The following FRMD3 variants were observed in gnomAD, a reference collection of about 807,000 sequenced individuals.
FRMD3 encodes FERM domain containing 3.
In FRMD3, 33 loss-of-function variants were observed where a neutral mutation model predicts 70.2. That is an observed-to-expected ratio of 0.47 (90% CI 0.36 to 0.63). FRMD3 has a LOEUF of 0.63. FRMD3 is among the 20% of genes least tolerant of loss of function. The pLI, the probability that FRMD3 is intolerant of heterozygous loss-of-function variation, is 0.00. For missense variants in FRMD3, 632 were observed against 711.4 expected (o/e 0.89, Z 1.27); for synonymous variants, 279 against 255.9 (o/e 1.09, Z -0.86).
intron 1 of FRMD3, among the ~76,000 whole-genome samples, chr9:83,486,481 T>C (rs1182372189): frequency 6.6e-6 from 1 of 152,180 alleles, no homozygotes; most frequent in African/African-American, 2.4e-5. Flanking sequence ...TTTATATCTT[T>C]AAAATGACAG....
Position 83,459,029 on chromosome 9 carries a change from T to C in FRMD3, c.148-69321A>G, listed in dbSNP as rs112073473. 7.0e-3 allele frequency among the ~76,000 whole-genome samples: 1,063 copies of C among 152,318 alleles called. 12 individuals are homozygous for C. The highest frequency in any genetic ancestry group is 0.024 in the African/African-American group (1,002 of 41,556). On this transcript the variant is annotated intron_variant, in intron 1 of 13. Transcript: ENST00000304195. ...ATCAAGTTATTTTATTGTTCATTAA[T>C]TGGACCCACCCAATAGAGTAAACAG...
chr9:83,450,353 T>TTTTG (rs1564083342), intron 1 of FRMD3, among the ~76,000 whole-genome samples: 1 of 137,972 alleles, frequency 7.2e-6, no homozygotes, highest in Non-Finnish European at 1.6e-5. Context: ...CTCAGTTTTT[T>TTTTG]TTTTTTTTTT....
Position 83,538,199 on chromosome 9 carries a change from G to T in FRMD3, c.33C>A (p.Gly11=), listed in dbSNP as rs1392191275. The part of the protein sequence containing the change: MFASCHCVPR[G]RRTMKMIHFR... ...AGTGGATCATTTTCATGGTCCTCCTGCCTCTCGGCACACAGTGGCAGGAGG... is the reference window on the plus strand; with the variant it reads ...AGTGGATCATTTTCATGGTCCTCCTTCCTCTCGGCACACAGTGGCAGGAGG... The change falls in exon 1 of 14, where the codon GGC becomes GGA. Residue 11 remains glycine (G), a synonymous_variant. Transcript: ENST00000304195. This position sits in a 1 kb window ranked among gnomAD's most constrained non-coding sequence, Gnocchi z 4.7. 4 of 1,596,372 alleles carry T rather than the reference G, an allele frequency of 2.5e-6. No homozygotes were observed. In the South Asian group the frequency reaches 4.5e-5, roughly 18 times the overall value.
intron 1 of FRMD3, among the ~76,000 whole-genome samples, chr9:83,422,338 G>A (rs547237377): frequency 6.6e-5 from 10 of 152,250 alleles, no homozygotes; most frequent in African/African-American, 2.2e-4. Flanking sequence ...TTCCCAGAAA[G>A]CTCTTCATTC....
At chr9:83,254,826 A>G (rs7028221) in intron 13 of FRMD3, among the ~76,000 whole-genome samples, 122,894 of 152,084 alleles carry the variant, frequency 0.81, 49,793 homozygotes, top group East Asian at 0.96. Flanking sequence ...GACAGAACAG[A>G]GAGAAACTGA....
chr9:83,493,140 A>T (rs1340937733), intron 1 of FRMD3, among the ~76,000 whole-genome samples: 1 of 152,052 alleles, frequency 6.6e-6, no homozygotes, highest in Non-Finnish European at 1.5e-5. Context: ...ACCCACACAC[A>T]TACCTTCTTT....
intron 2 of FRMD3, 99 bp downstream of exon 2, chr9:83,389,505 A>G: frequency 1.3e-6 from 1 of 768,176 alleles, no homozygotes; most frequent in Non-Finnish European, 2.3e-6. Flanking sequence ...ATAATCTATG[A>G]GAACAAGGGC....
chr9:83,564,867 G>A, the FRMD3 span, among the ~76,000 whole-genome samples: 1 of 152,176 alleles, frequency 6.6e-6, no homozygotes, highest in African/African-American at 2.4e-5. Context: ...TTTAACCCCA[G>A]GAGGCCATAA....
At chr9:83,452,429 C>T (rs1827687095) in intron 1 of FRMD3, among the ~76,000 whole-genome samples, 1 of 152,052 alleles carries the variant, frequency 6.6e-6, no homozygotes, top group African/African-American at 2.4e-5. Flanking sequence ...GGTTTATGTT[C>T]AGTAATTAAA....
chr9:83,259,495 T>C (rs902703365), intron 13 of FRMD3, among the ~76,000 whole-genome samples: 22 of 152,212 alleles, frequency 1.4e-4, no homozygotes, highest in African/African-American at 5.3e-4. Context: ...ACACTTTGAT[T>C]CTGCCTTCTA....
chr9:83,359,155 T>C (rs1824501683), intron 3 of FRMD3, among the ~76,000 whole-genome samples: 1 of 152,212 alleles, frequency 6.6e-6, no homozygotes, highest in Non-Finnish European at 1.5e-5. Flanking sequence ...TCATGTTTAA[T>C]TCATCTTCCT....
In FRMD3 at chr9:83,389,587, T is replaced by G. The variant is rs1352462758; in HGVS notation, c.252+17A>C. 1.3e-6 allele frequency: 2 copies of G among 1,569,778 alleles called. No homozygotes were observed. The highest frequency in any genetic ancestry group is 2.2e-5 in the South Asian group (2 of 90,198). On this transcript the variant is annotated intron_variant, in intron 2 of 13. Transcript: ENST00000304195. ...GTCACTCCCTGAAAATGGCTCCAGA[T>G]AGAAATCAGCTCTTACCCTTTGCTT...
intron 1 of FRMD3, among the ~76,000 whole-genome samples, chr9:83,525,289 T>G (rs1324653533): frequency 1.3e-5 from 2 of 152,232 alleles, no homozygotes; most frequent in South Asian, 4.1e-4. Context: ...TTTCAAACGT[T>G]AGCATAAAAC....
In FRMD3 at chr9:83,310,487, C is replaced by T. The variant is rs1196562205; in HGVS notation, c.835G>A (p.Glu279Lys). The T allele has an allele frequency of 1.9e-6, 3 of 1,606,970 alleles. No homozygotes were observed. The highest frequency in any genetic ancestry group is 2.5e-6 in the Non-Finnish European group (3 of 1,177,878). ...KTFYVIGTQK[E>K]KKAMLAFHTS... ...GTTAAAAAAAAGCAGTATCTGACCT[C>T]CTTCTGGGTGCCAATCACATAAAAT... Residue 279 changes from glutamate to lysine, a missense_variant and splice_region_variant, in exon 9 of 14, where the codon GAG becomes AAG. Around this residue, in one of 3 missense-constraint regions of FRMD3, gnomAD observed 418 missense variants for 442.1 expected, o/e 0.95. Transcript: ENST00000304195.
chr9:83,345,720 G>A (rs112555466), intron 4 of FRMD3, among the ~76,000 whole-genome samples: 1 of 152,048 alleles, frequency 6.6e-6, no homozygotes, highest in South Asian at 2.1e-4. Flanking sequence ...TCGCACCACT[G>A]CACTCCAGCC....
At chr9:83,501,652 A>G (rs1455163158) in intron 1 of FRMD3, among the ~76,000 whole-genome samples, 3 of 152,252 alleles carry the variant, frequency 2.0e-5, no homozygotes, top group Non-Finnish European at 4.4e-5. Flanking sequence ...TTAGAATATT[A>G]CAACGAATGC....
chr9:83,341,204 T>C (rs1483978297), intron 5 of FRMD3, among the ~76,000 whole-genome samples: 1 of 152,196 alleles, frequency 6.6e-6, no homozygotes. Flanking sequence ...TTGCTATAAA[T>C]GACCACAGAC....
chr9:83,403,561 C>T (rs140609234), intron 1 of FRMD3, among the ~76,000 whole-genome samples: 95 of 152,194 alleles, frequency 6.2e-4, no homozygotes, highest in African/African-American at 2.1e-3. Context: ...CACGAGAAGA[C>T]GGAGTTAGCT....
At chr9:83,315,640 T>G (rs1835540322) in intron 6 of FRMD3, among the ~76,000 whole-genome samples, 1 of 152,324 alleles carries the variant, frequency 6.6e-6, no homozygotes, top group African/African-American at 2.4e-5. Context: ...GTAAGTTTCC[T>G]GAGGACTCTC....
Sources: gnomAD v4.1 joint callset for allele counts (sites outside exome capture counted in the v4.1 genomes callset) on GRCh38, gnomAD v4.1.1 for gene constraint, gnomAD v4.1.1 regional missense constraint, Gnocchi (gnomAD v3.1) non-coding constraint, MANE v1.5 for transcripts, NCBI Gene and HGNC (gene_info 2026-07-23, HGNC 2026-07-21) for gene names.